The following KIAA1549L variants were observed in gnomAD, a reference collection of about 807,000 sequenced individuals.
KIAA1549L encodes UPF0606 protein KIAA1549L.
In KIAA1549L, 88 loss-of-function variants were observed where a neutral mutation model predicts 160.7. The observed-to-expected ratio is 0.55, with a 90% CI of 0.46 to 0.65. The LOEUF is 0.65. Among genes scored for constraint, KIAA1549L ranks in the 30% least tolerant of loss-of-function variants. KIAA1549L has a pLI of 0.00. For synonymous variants in KIAA1549L, 950 were observed against 976.7 expected, an observed-to-expected ratio of 0.97 and a Z score of 0.51; for missense variants, 2,258 against 2,437.5, an observed-to-expected ratio of 0.93 and a Z score of 1.55.
intron 1 of KIAA1549L, among the ~76,000 whole-genome samples, chr11:33,457,084 C>T (rs1851841097): frequency 6.6e-6 from 1 of 152,188 alleles, no homozygotes. Context: ...CAGTTACCGG[C>T]TGGGTATGGG....
intron 1 of KIAA1549L, among the ~76,000 whole-genome samples, chr11:33,430,010 C>T (rs546049979): frequency 5.2e-5 from 4 of 77,100 alleles, no homozygotes; most frequent in Admixed American, 1.2e-4. Context: ...CTCTGCCCTC[C>T]CTTCCTTCCT....
At chr11:33,536,522 C>T (rs1010525968) in intron 1 of KIAA1549L, among the ~76,000 whole-genome samples, 3 of 152,116 alleles carry the variant, frequency 2.0e-5, no homozygotes, top group Admixed American at 2.0e-4. Context: ...GAGGGAACAT[C>T]CCAAGAGCGA....
chr11:33,543,971 C>T lies in KIAA1549L; in HGVS notation c.2408C>T (p.Pro803Leu), dbSNP rs770056372. 3 of 1,613,828 alleles carry T rather than the reference C, an allele frequency of 1.9e-6. No individual in the cohort carries two copies. The Admixed American group carries it at 5.0e-5, about 27-fold the overall frequency. ...TMVGSHIDLW[P>L]TSNNNHSRDF... ...GTTGGAAGCCATATAGACCTCTGGC[C>T]CACAAGCAATAACAACCATTCCAGA... Residue 803 changes from proline to leucine, a missense_variant, in exon 2 of 21, where the codon CCC becomes CTC. Physicochemically the swap from Pro to Leu is moderately conservative, Grantham distance 98. Coordinates refer to ENST00000658780, the MANE Select transcript of KIAA1549L (RefSeq NM_012194.3).
intron 8 of KIAA1549L, among the ~76,000 whole-genome samples, chr11:33,565,998 G>A (rs1287328355): frequency 6.6e-6 from 1 of 152,076 alleles, no homozygotes; most frequent in African/African-American, 2.4e-5. Flanking sequence ...GCAATAGAGG[G>A]AAACCCTGCC....
At chr11:33,421,424 G>C (rs919075426) in intron 1 of KIAA1549L, among the ~76,000 whole-genome samples, 3 of 152,220 alleles carry the variant, frequency 2.0e-5, no homozygotes, top group African/African-American at 7.2e-5. Context: ...CCGTAGGCCA[G>C]CCGCATAGCA....
intron 1 of KIAA1549L, among the ~76,000 whole-genome samples, chr11:33,487,601 G>A (rs971460012): frequency 3.9e-5 from 6 of 151,972 alleles, no homozygotes; most frequent in Admixed American, 1.3e-4. Flanking sequence ...CTGAAACATC[G>A]ATTCGTACTG....
At chr11:33,531,926 A>G (rs1853782717) in intron 1 of KIAA1549L, among the ~76,000 whole-genome samples, 1 of 152,100 alleles carries the variant, frequency 6.6e-6, no homozygotes, top group Non-Finnish European at 1.5e-5. Flanking sequence ...CCCTGGAGAG[A>G]GACACATCAT....
intron 16 of KIAA1549L, among the ~76,000 whole-genome samples, chr11:33,624,617 G>A (rs1266310217): frequency 6.6e-6 from 1 of 151,864 alleles, no homozygotes; most frequent in African/African-American, 2.4e-5. Flanking sequence ...GCTTTTACAT[G>A]TATTTTGTTT....
intron 1 of KIAA1549L, among the ~76,000 whole-genome samples, chr11:33,393,096 T>C (rs1341640586): frequency 1.3e-5 from 2 of 152,068 alleles, no homozygotes; most frequent in East Asian, 3.9e-4. Flanking sequence ...TCAGTTTGAC[T>C]TCATTGCTTA....
intron 1 of KIAA1549L, among the ~76,000 whole-genome samples, chr11:33,401,883 C>T (rs984774099): frequency 2.0e-5 from 3 of 152,208 alleles, no homozygotes; most frequent in African/African-American, 7.2e-5. Flanking sequence ...AGCCAAAGGT[C>T]ACCAACTCAA....
intron 17 of KIAA1549L, 71 bp downstream of exon 17, chr11:33,646,107 G>T (rs1038847394): frequency 5.3e-5 from 62 of 1,176,124 alleles, no homozygotes; most frequent in Non-Finnish European, 7.3e-5. Context: ...AGGAGACTCA[G>T]AGCAGGGGCT....
At chr11:33,638,282 C>A (rs1256638442) in intron 16 of KIAA1549L, among the ~76,000 whole-genome samples, 1 of 152,070 alleles carries the variant, frequency 6.6e-6, no homozygotes, top group Non-Finnish European at 1.5e-5. Flanking sequence ...CACCCATAGG[C>A]AACCACTTGT....
intron 1 of KIAA1549L, among the ~76,000 whole-genome samples, chr11:33,434,485 G>A (rs1215402705): frequency 6.6e-6 from 1 of 152,192 alleles, no homozygotes; most frequent in East Asian, 1.9e-4. Flanking sequence ...GGTACCAGGA[G>A]TGGGGTTCTA....
At chr11:33,524,608 G>A (rs1280626605) in intron 1 of KIAA1549L, among the ~76,000 whole-genome samples, 4 of 152,034 alleles carry the variant, frequency 2.6e-5, no homozygotes, top group Non-Finnish European at 4.4e-5. Context: ...TTTCCTCTAG[G>A]TATAGCTTTT....
chr11:33,468,754 G>A (rs1335279426), intron 1 of KIAA1549L, among the ~76,000 whole-genome samples: 4 of 152,218 alleles, frequency 2.6e-5, no homozygotes, highest in East Asian at 1.9e-4. Flanking sequence ...GCTATAATAC[G>A]GCGCTCCAGA....
intron 16 of KIAA1549L, 55 bp from the exon 17 acceptor site, chr11:33,645,631 G>A: frequency 1.6e-6 from 2 of 1,273,214 alleles, no homozygotes; most frequent in Non-Finnish European, 2.3e-6. Flanking sequence ...AAATTACAGA[G>A]CACCTTCACG....
chr11:33,524,504 G>C (rs1419638727), intron 1 of KIAA1549L, among the ~76,000 whole-genome samples: 1 of 83,810 alleles, frequency 1.2e-5, no homozygotes, highest in African/African-American at 8.6e-5. Flanking sequence ...ATTTTTTGAG[G>C]CGAGAGGAAT....
At chr11:33,624,325 A>G (rs1031012250) in intron 16 of KIAA1549L, among the ~76,000 whole-genome samples, 1 of 152,182 alleles carries the variant, frequency 6.6e-6, no homozygotes, top group South Asian at 2.1e-4. Context: ...AGCTGGGGGA[A>G]TCCATCTTCT....
At chr11:33,383,574 G>C (rs1215431068) in intron 1 of KIAA1549L, among the ~76,000 whole-genome samples, 1 of 152,206 alleles carries the variant, frequency 6.6e-6, no homozygotes, top group Non-Finnish European at 1.5e-5. Flanking sequence ...CACCCAGCAT[G>C]TGTCAGGCCC....
Sources: allele counts gnomAD v4.1 joint callset (sites outside exome capture counted in the v4.1 genomes callset), GRCh38; gene constraint gnomAD v4.1.1; transcripts MANE v1.5; gene names NCBI Gene and HGNC (gene_info 2026-07-23, HGNC 2026-07-21).